The following QSER1 variants were observed in gnomAD, a reference collection of about 807,000 sequenced individuals.
The protein encoded by QSER1 is glutamine and serine-rich protein 1.
A neutral mutation model predicts 158.5 loss-of-function variants in QSER1; 49 were observed. The observed-to-expected ratio is 0.31, with a 90% confidence interval of 0.25 to 0.39. QSER1 has a LOEUF of 0.39. QSER1 is among the 10% of genes least tolerant of loss of function. The pLI, the probability that QSER1 is intolerant of heterozygous loss-of-function variation, is 1.00. For synonymous variants in QSER1, 650 were observed against 715.5 expected (o/e 0.91, Z 1.46); for missense variants, 1,754 against 2,010.3 (o/e 0.87, Z 2.44).
At chr11:32,898,443 G>A (rs1851582490) in intron 1 of QSER1, among the ~76,000 whole-genome samples, 1 of 151,548 alleles carries the variant, frequency 6.6e-6, no homozygotes, top group Non-Finnish European at 1.5e-5. Context: ...CTGTGATGGT[G>A]CCACTGCACT....
At position 32,977,682 on chromosome 11, in the gene QSER1, G is replaced by A. The variant is rs1853001989; in HGVS notation, c.*1208G>A. The A allele has an allele frequency of 6.6e-6, 1 of 152,606 alleles. No homozygotes were observed. The highest frequency in any genetic ancestry group is 6.5e-5 in the Admixed American group (1 of 15,272). The allele number at this position is 152,606 out of a possible 1,614,324, so 9.5% of individuals were successfully genotyped here. Reference sequence around the variant, plus strand: ...GGTTTGATAGGTAGCGTTTCAAGTAGTTTAGCTGAGACAGTGAATGTATTA... The same window carrying A: ...GGTTTGATAGGTAGCGTTTCAAGTAATTTAGCTGAGACAGTGAATGTATTA... On this transcript the variant is annotated 3_prime_UTR_variant, in exon 13 of 13. Transcript: ENST00000650167.
In QSER1 at chr11:32,976,640, C is replaced by T. The variant is rs950238945; in HGVS notation, c.*166C>T. ...AGGACAGTGGTGCGGCCTTTAGGAA[C>T]GAAGTTAGTCCTCTGGAAATGGACC... is the stretch of plus-strand genomic sequence containing the variant. On this transcript the variant is annotated 3_prime_UTR_variant, in exon 13 of 13. Transcript: ENST00000650167. The T allele has an allele frequency of 3.0e-6, 2 of 675,710 alleles. No homozygotes were observed. Among genetic ancestry groups the T allele is most frequent in the East Asian group, 3.2e-5 (1 of 31,292 alleles). The allele number at this position is 675,710 out of a possible 1,614,324, so 41.9% of individuals were successfully genotyped here. A position where few individuals can be genotyped will look rare whatever the true frequency, so the allele number is the denominator to read the frequency against.
intron 5 of QSER1, among the ~76,000 whole-genome samples, chr11:32,954,487 A>G (rs929209325): frequency 1.3e-5 from 2 of 152,210 alleles, no homozygotes; most frequent in Non-Finnish European, 2.9e-5. Context: ...TTTGGAGAAA[A>G]TCGTTATTTA....
Position 32,932,733 on chromosome 11 carries a change from C to A in QSER1, c.1475C>A (p.Ser492Tyr). ...ATTGTTCATTCACAGGTTTATAGGT[C>A]CAGCAAGGTTGAGAAATTGCCACCC... ...PSIVHSQVYRSSKVEKLPPLY... is the reference protein window; with the variant it reads ...PSIVHSQVYRYSKVEKLPPLY... The change falls in exon 4 of 13, where the codon TCC becomes TAC. Residue 492 changes from serine (S) to tyrosine (Y), a missense_variant. Ser to Tyr is a moderately radical substitution (Grantham distance 144). This residue lies in a region of QSER1 where 1,707 missense variants were observed against 1,919.6 expected (regional missense o/e 0.89). Coordinates refer to ENST00000650167, the MANE Select transcript of QSER1 (RefSeq NM_001076786.3). 3.1e-6 allele frequency: 5 copies of A among 1,614,104 alleles called. No individual in the cohort carries two copies. Among genetic ancestry groups the A allele is most frequent in the Non-Finnish European group, 4.2e-6 (5 of 1,179,994 alleles).
At chr11:32,953,752 T>C in intron 4 of QSER1, 105 bp from the exon 5 acceptor site, 1 of 1,344,744 alleles carries the variant, frequency 7.4e-7, no homozygotes, top group Non-Finnish European at 1.0e-6. Flanking sequence ...ACCAGTTTGA[T>C]TACAAAATAA....
At position 32,933,025 on chromosome 11, in the gene QSER1, T is replaced by C. The variant is rs1462535920; in HGVS notation, c.1767T>C (p.Tyr589=). 3.7e-6 allele frequency: 6 copies of C among 1,612,516 alleles called. No individual in the cohort carries two copies. Among genetic ancestry groups the C allele is most frequent in the South Asian group, 1.1e-5 (1 of 91,078 alleles). ...CAGTTGTTAGTCTTTCAGAAAGCTATGCTTCAGGGGAGTCCCTAACATTAA... is the reference window on the plus strand; with the variant it reads ...CAGTTGTTAGTCTTTCAGAAAGCTACGCTTCAGGGGAGTCCCTAACATTAA... ...VLSVVSLSES[Y]ASGESLTLTA... The change falls in exon 4 of 13, where the codon TAT becomes TAC. Residue 589 remains tyrosine (Y), a synonymous_variant. Transcript: ENST00000650167.
In QSER1 at chr11:32,975,247, G is replaced by T. The variant is rs1367048929; in HGVS notation, c.5359-1G>T. On this transcript the variant is annotated splice_acceptor_variant, in intron 11 of 12. Coordinates refer to ENST00000650167, the MANE Select transcript of QSER1 (RefSeq NM_001076786.3). LOFTEE classifies it high-confidence loss of function. ...ATCTATAAACTTTTTTCTTTTTATA[G>T]GAGTTTGCTGTCGATCCAGAGAAAA... is the stretch of plus-strand genomic sequence containing the variant. 1.3e-6 allele frequency: 2 copies of T among 1,540,900 alleles called. No homozygotes were observed. Among genetic ancestry groups the T allele is most frequent in the African/African-American group, 1.4e-5 (1 of 71,870 alleles).
Position 32,892,843 on chromosome 11 carries a change from G to GGCCGCCGCGGCCGCC in QSER1, c.-275_-274insGGCCGCCGCCGCCGC, listed in dbSNP as rs1554922092. 2.8e-5 allele frequency among the ~76,000 whole-genome samples: 4 copies of GGCCGCCGCGGCCGCC among 144,876 alleles called. No individual in the cohort carries two copies. Among genetic ancestry groups the GGCCGCCGCGGCCGCC allele is most frequent in the Admixed American group, 6.8e-5 (1 of 14,764 alleles). The stretch of plus-strand genomic sequence containing the variant: ...GAAATCCACCAACATGGGGCGCAGC[G>GGCCGCCGCGGCCGCC]GCCGCCGCCGCCGCCGCCGTCGCCG... On this transcript the variant is annotated 5_prime_UTR_variant, in exon 1 of 13. Coordinates refer to ENST00000650167, the MANE Select transcript of QSER1 (RefSeq NM_001076786.3).
intron 4 of QSER1, among the ~76,000 whole-genome samples, chr11:32,952,767 T>C (rs1253033096): frequency 6.6e-6 from 1 of 151,676 alleles, no homozygotes; most frequent in African/African-American, 2.4e-5. Flanking sequence ...TTTTACTTTG[T>C]ATTGGGGTAT....
At chr11:32,917,834 A>AC (rs1213457624) in intron 1 of QSER1, among the ~76,000 whole-genome samples, 5 of 151,422 alleles carry the variant, frequency 3.3e-5, no homozygotes, top group South Asian at 2.1e-4. Flanking sequence ...AAAAAAAAAA[A>AC]AAAAAAAAAA....
chr11:32,957,950 C>T lies in QSER1; in HGVS notation c.4833C>T (p.Ser1611=), dbSNP rs747903556. Residue 1611 remains serine (S), a synonymous_variant, in exon 8 of 13, where the codon TCC becomes TCT. Coordinates refer to ENST00000650167, the MANE Select transcript of QSER1 (RefSeq NM_001076786.3). ...ASKTTTTKAP[S]VKPKVKQPKV... ...AAACTACAACTACAAAAGCCCCTTC[C>T]GTGAAACCCAAAGTTAAACAGCCAA... 5.8e-5 allele frequency: 93 copies of T among 1,613,972 alleles called. No homozygotes were observed. The highest frequency in any genetic ancestry group is 1.6e-4 in the Middle Eastern group (1 of 6,084).
At chr11:32,972,044 CAG>C in intron 10 of QSER1, among the ~76,000 whole-genome samples, 1 of 141,774 alleles carries the variant, frequency 7.1e-6, no homozygotes, top group Non-Finnish European at 1.5e-5. Flanking sequence ...GCCTGGATGA[CAG>C]AGCAAGACTC....
At chr11:32,928,753 AAT>A (rs1457249052) in intron 3 of QSER1, among the ~76,000 whole-genome samples, 10 of 152,102 alleles carry the variant, frequency 6.6e-5, no homozygotes, top group African/African-American at 2.4e-4. Flanking sequence ...TTTATTTGAG[AAT>A]ATGTTTTTAA....
intron 4 of QSER1, among the ~76,000 whole-genome samples, chr11:32,943,013 C>T (rs1852266703): frequency 6.6e-6 from 1 of 151,824 alleles, no homozygotes; most frequent in Non-Finnish European, 1.5e-5. Flanking sequence ...TGGGAGTTCA[C>T]TCATGATTTG....
chr11:32,968,909 A>AT, intron 9 of QSER1, 137 bp from the exon 10 acceptor site: 3 of 535,242 alleles, frequency 5.6e-6, no homozygotes, highest in Non-Finnish European at 9.6e-6. Flanking sequence ...TTCATGTCCA[A>AT]TTTTTTTGCA....
In QSER1 at chr11:32,933,566, CAACTT is replaced by C; in HGVS notation, c.2312_2316del (p.Leu771ProfsTer8). On this transcript the variant is annotated frameshift_variant, in exon 4 of 13. Transcript: ENST00000650167. LOFTEE classifies it high-confidence loss of function. ...AGAAAGTGTTGTTGGTTCAGTGACA[CAACTT>C]AACCAACAAATTGGCCAAGTCAATA... 6.2e-7 allele frequency: 1 copy of C among 1,613,962 alleles called. No homozygotes were observed. Among genetic ancestry groups the C allele is most frequent in the South Asian group, 1.1e-5 (1 of 91,050 alleles).
chr11:32,894,827 C>T (rs1002467888), intron 1 of QSER1, among the ~76,000 whole-genome samples: 3 of 152,168 alleles, frequency 2.0e-5, no homozygotes, highest in African/African-American at 7.2e-5. Context: ...ACAAGTAAGC[C>T]ATTTTAAGGA....
intron 3 of QSER1, 129 bp from the exon 4 acceptor site, chr11:32,931,614 G>A: frequency 1.5e-6 from 1 of 659,868 alleles, no homozygotes; most frequent in Non-Finnish European, 2.5e-6. Context: ...TTTACATGCA[G>A]AACTAACTGG....
At chr11:32,941,231 TTA>T (rs1278043160) in intron 4 of QSER1, among the ~76,000 whole-genome samples, 47 of 150,300 alleles carry the variant, frequency 3.1e-4, no homozygotes, top group African/African-American at 1.1e-3. Flanking sequence ...ATTATTATTA[TTA>T]TTATTTTTAA....
Sources: allele counts gnomAD v4.1 joint callset (sites outside exome capture counted in the v4.1 genomes callset), GRCh38; gene constraint gnomAD v4.1.1; regional missense constraint gnomAD v4.1.1; transcripts MANE v1.5; gene names NCBI Gene and HGNC (gene_info 2026-07-23, HGNC 2026-07-21).